Variants in STK24 observed in about 807,000 individuals in gnomAD.
The protein encoded by STK24 is serine/threonine kinase 24, also known as serine/threonine-protein kinase 24.
Under a neutral mutation model 55.6 loss-of-function variants are expected in STK24, and 21 were observed. The ratio of observed to expected loss-of-function variants is 0.38; its 90% CI spans 0.27 to 0.54. STK24 has a LOEUF of 0.54. Ranked by LOEUF, STK24 falls within the 20% of genes least tolerant of loss-of-function variation. The probability of loss-of-function intolerance (pLI) is 0.79; values close to 1 mark genes in which losing one functional copy is unlikely to be tolerated. For missense variants in STK24, 383 were observed against 538.4 expected (o/e 0.71, Z 2.86); for synonymous variants, 200 against 215.2 (o/e 0.93, Z 0.62).
chr13:98,490,708 C>T (rs1466609618), intron 2 of STK24, among the ~76,000 whole-genome samples: 2 of 151,996 alleles, frequency 1.3e-5, no homozygotes, highest in East Asian at 3.9e-4. Context: ...GGAGAAAACC[C>T]GGATTGGACA....
intron 3 of STK24, among the ~76,000 whole-genome samples, chr13:98,478,043 G>A (rs1894447264): frequency 6.6e-6 from 1 of 152,144 alleles, no homozygotes. Flanking sequence ...TCCTTACTTG[G>A]GGGGAAATCC....
intron 1 of STK24, among the ~76,000 whole-genome samples, chr13:98,533,116 C>T (rs7318525): frequency 0.2 from 30,455 of 152,188 alleles, 3,390 homozygotes; most frequent in African/African-American, 0.3. Flanking sequence ...TGGTGGCTCA[C>T]GCCTATAATC....
In STK24 at chr13:98,524,955, A is replaced by C. The variant is rs539112523; in HGVS notation, c.43-5482T>G. Among the ~76,000 whole-genome samples, 12 of 152,370 alleles carry C rather than the reference A, an allele frequency of 7.9e-5. No homozygotes were observed. The East Asian group carries it at 2.3e-3, about 29-fold the overall frequency. ...CAGAACCCCTGGCCTCTGTGTCAGC[A>C]GCTGTAGGCCAGGCTAAAAATTACC... On this transcript the variant is annotated intron_variant, in intron 1 of 10. Transcript: ENST00000539966.
rs866547347 is a variant in STK24, at chr13:98,453,037, G to A, written c.*136C>T. Reference sequence around the variant, plus strand: ...GTGAAGACTGTGTGTGTCCCTGGACGGGCGCCTGGCGCTGGGGTGGCTCCC... The same window carrying A: ...GTGAAGACTGTGTGTGTCCCTGGACAGGCGCCTGGCGCTGGGGTGGCTCCC... On this transcript the variant is annotated 3_prime_UTR_variant, in exon 11 of 11. Coordinates refer to ENST00000539966, the MANE Select transcript of STK24 (RefSeq NM_001032296.4). 54 of 906,618 alleles carry A rather than the reference G, an allele frequency of 6.0e-5. No individual in the cohort carries two copies. The highest frequency in any genetic ancestry group is 3.3e-4 in the Middle Eastern group (1 of 2,992). The allele number at this position is 906,618 out of a possible 1,614,324, so 56.2% of individuals were successfully genotyped here.
chr13:98,475,868 T>C (rs1894351201), intron 3 of STK24, among the ~76,000 whole-genome samples: 1 of 146,126 alleles, frequency 6.8e-6, no homozygotes, highest in Non-Finnish European at 1.6e-5. Context: ...TCACCCCTGG[T>C]ACCCAAAAAC....
chr13:98,448,681 C>A lies in STK24; in HGVS notation c.*4492G>T, dbSNP rs932583818. On this transcript the variant is annotated 3_prime_UTR_variant, in exon 11 of 11. Coordinates refer to ENST00000539966, the MANE Select transcript of STK24 (RefSeq NM_001032296.4). Reference sequence around the variant, plus strand: ...AGTGTTTTTCTTCCTAAAAAAAGTTCTTTCTTTTATTATTTTCACCTATTG... The same window carrying A: ...AGTGTTTTTCTTCCTAAAAAAAGTTATTTCTTTTATTATTTTCACCTATTG... The A allele has an allele frequency of 4.9e-5, 9 of 183,076 alleles. No homozygotes were observed. Among genetic ancestry groups the A allele is most frequent in the Admixed American group, 4.7e-4 (8 of 16,852 alleles). 11.3% of individuals were successfully genotyped at this position (183,076 alleles called of 1,614,324 possible).
intron 2 of STK24, among the ~76,000 whole-genome samples, chr13:98,507,519 T>G (rs79046457): frequency 0.034 from 5,150 of 152,304 alleles, 268 homozygotes; most frequent in African/African-American, 0.12. Context: ...AGATAAGGGC[T>G]AGCCACCTCT....
intron 1 of STK24, among the ~76,000 whole-genome samples, chr13:98,523,378 A>C (rs939919647): frequency 6.6e-6 from 1 of 152,208 alleles, no homozygotes; most frequent in African/African-American, 2.4e-5. Context: ...TACAAAAATA[A>C]CCACCCATAA....
At position 98,452,966 on chromosome 13, in the gene STK24, C is replaced by A. The variant is rs764265715; in HGVS notation, c.*207G>T. On this transcript the variant is annotated 3_prime_UTR_variant, in exon 11 of 11. Transcript: ENST00000539966. ...AAAATAAAATGATCGCTGGAAGGAGCTGACCCTCCCCACCCATCTGAGAGA... is the reference window on the plus strand; with the variant it reads ...AAAATAAAATGATCGCTGGAAGGAGATGACCCTCCCCACCCATCTGAGAGA... 33 of 478,410 alleles carry A rather than the reference C, an allele frequency of 6.9e-5. No individual in the cohort carries two copies. The highest frequency in any genetic ancestry group is 5.3e-4 in the Middle Eastern group (1 of 1,884). 29.6% of individuals were successfully genotyped at this position (478,410 alleles called of 1,614,324 possible).
chr13:98,535,368 A>T (rs200808018), intron 1 of STK24, among the ~76,000 whole-genome samples: 2,966 of 48,810 alleles, frequency 0.061, 40 homozygotes, highest in East Asian at 0.18. Context: ...AAACAAAAAA[A>T]AAATATATAT....
chr13:98,536,921 A>G (rs1331601457), intron 1 of STK24, among the ~76,000 whole-genome samples: 2 of 151,512 alleles, frequency 1.3e-5, no homozygotes. Flanking sequence ...CCAGTCGCCC[A>G]GTGAAAGGGA....
intron 1 of STK24, among the ~76,000 whole-genome samples, chr13:98,563,495 T>C (rs1378100956): frequency 6.6e-6 from 1 of 152,214 alleles, no homozygotes; most frequent in Non-Finnish European, 1.5e-5. Flanking sequence ...TAACTCCTCT[T>C]CCTGATGTGG....
chr13:98,518,776 A>T (rs372065217), intron 2 of STK24, among the ~76,000 whole-genome samples: 4 of 152,344 alleles, frequency 2.6e-5, no homozygotes, highest in African/African-American at 9.6e-5. Flanking sequence ...AGCATTCTTA[A>T]AAGTCAAGCG....
rs397851778 is a variant in STK24, at chr13:98,565,631, CAA to C, written c.42+11112_42+11113del. 1.3e-3 allele frequency among the ~76,000 whole-genome samples: 153 copies of C among 117,202 alleles called. 1 individual carries two copies. The highest frequency in any genetic ancestry group is 4.3e-3 in the East Asian group (18 of 4,194). 76.9% of individuals were successfully genotyped at this position (117,202 alleles called of 152,430 possible). ...TGGGCACGAGAATGAGACTCCATCT[CAA>C]AAAAAAAAAAAAAAAATTATATTCG... On this transcript the variant is annotated intron_variant, in intron 1 of 10. Transcript: ENST00000539966.
At chr13:98,492,314 T>A (rs1201491269) in intron 2 of STK24, among the ~76,000 whole-genome samples, 2 of 151,898 alleles carry the variant, frequency 1.3e-5, no homozygotes, top group Non-Finnish European at 2.9e-5. Flanking sequence ...AGTGGGAGGG[T>A]GCAGTTCTAT....
In STK24 at chr13:98,447,965, G is replaced by A; in HGVS notation, c.*5208C>T. ...GTAGCGTTCTCCCCAGCAACCAGAG[G>A]CCACCTCGCTCCTAACTGCTCCAAT... is the stretch of plus-strand genomic sequence containing the variant. On this transcript the variant is annotated 3_prime_UTR_variant, in exon 11 of 11. Transcript: ENST00000539966. 3 of 493,088 alleles carry A rather than the reference G, an allele frequency of 6.1e-6. No individual in the cohort carries two copies. The highest frequency in any genetic ancestry group is 2.8e-5 in the South Asian group (1 of 36,328). 30.5% of individuals were successfully genotyped at this position (493,088 alleles called of 1,614,324 possible).
chr13:98,492,388 A>G (rs1895076377), intron 2 of STK24, among the ~76,000 whole-genome samples: 1 of 152,216 alleles, frequency 6.6e-6, no homozygotes, highest in Admixed American at 6.5e-5. Context: ...GCTGGCCCAA[A>G]GAGGGCCCTT....
At chr13:98,526,478 T>C (rs1896433578) in intron 1 of STK24, among the ~76,000 whole-genome samples, 1 of 152,090 alleles carries the variant, frequency 6.6e-6, no homozygotes, top group Admixed American at 6.5e-5. Flanking sequence ...GCAGAAGAGA[T>C]ATTGAGTATC....
chr13:98,547,464 C>T (rs891072163), intron 1 of STK24, among the ~76,000 whole-genome samples: 3 of 152,188 alleles, frequency 2.0e-5, no homozygotes, highest in African/African-American at 7.2e-5. Context: ...GTGAGGACTG[C>T]TTGAGCCCAC....
Sources: allele counts gnomAD v4.1 joint callset (sites outside exome capture counted in the v4.1 genomes callset), GRCh38; gene constraint gnomAD v4.1.1; transcripts MANE v1.5; gene names NCBI Gene and HGNC (gene_info 2026-07-23, HGNC 2026-07-21).